Variants in GPC5 observed in about 807,000 individuals in gnomAD.
GPC5 encodes the protein glypican 5.
Under a neutral mutation model 53.9 loss-of-function variants are expected in GPC5, and 47 were observed. That is an observed-to-expected ratio of 0.87 (90% CI 0.69 to 1.11). The LOEUF is 1.11. Ranked by LOEUF, GPC5 falls within the 50% of genes most tolerant of loss-of-function variation. The pLI is 0.00. For synonymous variants in GPC5, 286 were observed against 263.3 expected, an observed-to-expected ratio of 1.09 and a Z score of -0.84; for missense variants, 748 against 713.1, an observed-to-expected ratio of 1.05 and a Z score of -0.56.
intron 5 of GPC5, among the ~76,000 whole-genome samples, chr13:91,878,033 C>G (rs1239237355): frequency 6.6e-6 from 1 of 152,080 alleles, no homozygotes; most frequent in East Asian, 1.9e-4. Flanking sequence ...TTTGCCTCCC[C>G]CTGTGATTCT....
At chr13:91,877,495 G>T (rs937948805) in intron 5 of GPC5, among the ~76,000 whole-genome samples, 14 of 152,166 alleles carry the variant, frequency 9.2e-5, no homozygotes, top group African/African-American at 3.4e-4. Context: ...TGACTGCCCT[G>T]CTGGATTTCA....
intron 7 of GPC5, among the ~76,000 whole-genome samples, chr13:92,684,010 A>G (rs1251975443): frequency 6.6e-6 from 1 of 152,136 alleles, no homozygotes; most frequent in Non-Finnish European, 1.5e-5. Context: ...CCATCATGAC[A>G]ATATTACACA....
chr13:91,447,659 A>T lies in GPC5; in HGVS notation c.164-1102A>T, dbSNP rs1880899291. 2.0e-5 allele frequency among the ~76,000 whole-genome samples: 3 copies of T among 152,112 alleles called. No individual in the cohort carries two copies. The South Asian group carries it at 6.2e-4, about 32-fold the overall frequency. ...TGTGGAAAAAGTAGGAAGGGCTTGA[A>T]AGGTGGTTGTTATGTGCATGCGTCT... On this transcript the variant is annotated intron_variant, in intron 1 of 7. Transcript: ENST00000377067.
intron 7 of GPC5, among the ~76,000 whole-genome samples, chr13:92,439,444 C>G (rs1877458056): frequency 6.6e-6 from 1 of 152,094 alleles, no homozygotes; most frequent in African/African-American, 2.4e-5. Flanking sequence ...TGAATACTTT[C>G]TTTTTCTATA....
intron 7 of GPC5, among the ~76,000 whole-genome samples, chr13:92,418,154 T>C (rs1374520825): frequency 6.6e-6 from 1 of 152,094 alleles, no homozygotes; most frequent in Admixed American, 6.6e-5. Flanking sequence ...AATGGATGGC[T>C]GGGATGTGGG....
At chr13:92,749,001 C>T (rs536047517) in intron 7 of GPC5, among the ~76,000 whole-genome samples, 2 of 152,242 alleles carry the variant, frequency 1.3e-5, no homozygotes, top group East Asian at 1.9e-4. Flanking sequence ...TCTGTATCTA[C>T]TTTTCAGAAA....
intron 1 of GPC5, among the ~76,000 whole-genome samples, chr13:91,435,853 C>A (rs1196994711): frequency 6.6e-6 from 1 of 152,194 alleles, no homozygotes; most frequent in Non-Finnish European, 1.5e-5. Context: ...TAATTATTGC[C>A]TGAATTTCAG....
rs182623593 is a variant in GPC5 at position 92,216,347 on chromosome 13, G to A, written c.1561+71358G>A. 3.4e-3 allele frequency among the ~76,000 whole-genome samples: 512 copies of A among 152,230 alleles called. 4 individuals carry two copies. The highest frequency in any genetic ancestry group is 0.012 in the African/African-American group (487 of 41,546). On this transcript the variant is annotated intron_variant, in intron 7 of 7. Transcript: ENST00000377067. ...ATTGTCAGGGAAGGCAGACTTTATTGCAGGTAACAACAACAGCCAAGAGAC... is the reference window on the plus strand; with the variant it reads ...ATTGTCAGGGAAGGCAGACTTTATTACAGGTAACAACAACAGCCAAGAGAC...
chr13:92,247,227 C>T lies in GPC5; in HGVS notation c.1561+102238C>T, dbSNP rs370955763. ...GTTAAATACCTTTCAGCTTACAAAA[C>T]ACTTGCATGTATATATGTATGTGTA... On this transcript the variant is annotated intron_variant, in intron 7 of 7. Transcript: ENST00000377067. 8.5e-4 allele frequency among the ~76,000 whole-genome samples: 129 copies of T among 152,262 alleles called. 4 individuals carry two copies. The Middle Eastern group carries it at 0.014, about 16-fold the overall frequency.
chr13:92,712,759 G>GAGAT (rs762272182), intron 7 of GPC5, among the ~76,000 whole-genome samples: 1 of 152,140 alleles, frequency 6.6e-6, no homozygotes, highest in Non-Finnish European at 1.5e-5. Flanking sequence ...CTGATTTTTT[G>GAGAT]AGATAGGGCC....
chr13:92,272,684 T>A (rs1393244251), intron 7 of GPC5, among the ~76,000 whole-genome samples: 1 of 152,146 alleles, frequency 6.6e-6, no homozygotes, highest in Non-Finnish European at 1.5e-5. Flanking sequence ...CAAAAATTGA[T>A]GTTAATGTTA....
chr13:92,373,285 A>G (rs543798096), intron 7 of GPC5, among the ~76,000 whole-genome samples: 134 of 152,324 alleles, frequency 8.8e-4, no homozygotes, highest in African/African-American at 3.0e-3. Flanking sequence ...AAATAGAAAA[A>G]TGGGTAGTAT....
At chr13:92,288,413 C>T (rs1016789952) in intron 7 of GPC5, among the ~76,000 whole-genome samples, 7 of 152,104 alleles carry the variant, frequency 4.6e-5, no homozygotes, top group African/African-American at 9.7e-5. Context: ...TTGATACTGC[C>T]TGCTGAGGGC....
rs181893458 is a variant in GPC5, at chr13:92,231,430, G to A, written c.1561+86441G>A. ...AATATAGTCAACAAAATGCTAATTAGTCCTAATTGTTTGGAGGACACCTGT... is the reference window on the plus strand; with the variant it reads ...AATATAGTCAACAAAATGCTAATTAATCCTAATTGTTTGGAGGACACCTGT... On this transcript the variant is annotated intron_variant, in intron 7 of 7. Coordinates refer to ENST00000377067, the MANE Select transcript of GPC5 (RefSeq NM_004466.6). Among the ~76,000 whole-genome samples, 5 of 152,214 alleles carry A rather than the reference G, an allele frequency of 3.3e-5. No individual in the cohort carries two copies. The East Asian group carries it at 5.8e-4, about 18-fold the overall frequency.
intron 7 of GPC5, among the ~76,000 whole-genome samples, chr13:92,348,459 G>A: frequency 6.6e-6 from 1 of 152,106 alleles, no homozygotes; most frequent in African/African-American, 2.4e-5. Flanking sequence ...TTGAGAGAGA[G>A]GGATTGCCAT....
chr13:91,741,805 A>G (rs973734734), intron 4 of GPC5, among the ~76,000 whole-genome samples: 2 of 152,212 alleles, frequency 1.3e-5, no homozygotes, highest in African/African-American at 4.8e-5. Flanking sequence ...ATATACAAAT[A>G]TTCAGTGGAT....
At chr13:92,320,692 C>A (rs2043209964) in intron 7 of GPC5, among the ~76,000 whole-genome samples, 1 of 152,100 alleles carries the variant, frequency 6.6e-6, no homozygotes. Context: ...AAGCGGCAAC[C>A]TTCTTATCTA....
At chr13:92,623,921 C>G (rs975854295) in intron 7 of GPC5, among the ~76,000 whole-genome samples, 1 of 152,004 alleles carries the variant, frequency 6.6e-6, no homozygotes, top group African/African-American at 2.4e-5. Flanking sequence ...GTGGCGCGAT[C>G]TCGACTCACT....
intron 7 of GPC5, among the ~76,000 whole-genome samples, chr13:92,647,504 C>A (rs531133273): frequency 6.6e-6 from 1 of 152,122 alleles, no homozygotes; most frequent in South Asian, 2.1e-4. Context: ...CTAGAAAATT[C>A]CTCCTCTCCG....
Sources: allele counts gnomAD v4.1 joint callset (sites outside exome capture counted in the v4.1 genomes callset), GRCh38; gene constraint gnomAD v4.1.1; transcripts MANE v1.5; gene names NCBI Gene and HGNC (gene_info 2026-07-23, HGNC 2026-07-21).